The following RGS7 variants were observed in gnomAD, a reference collection of about 807,000 sequenced individuals.
RGS7 encodes the protein regulator of G-protein signaling 7.
In RGS7, 27 loss-of-function variants were observed where a neutral mutation model predicts 81.1. The ratio of observed to expected loss-of-function variants is 0.33; its 90% CI spans 0.25 to 0.46. The LOEUF (loss-of-function observed/expected upper bound fraction) is 0.46. RGS7 is among the 20% of genes least tolerant of loss of function. RGS7 has a pLI of 1.00. For synonymous variants in RGS7, 208 were observed against 207.7 expected (o/e 1.00, Z -0.01); for missense variants, 396 against 607.4 (o/e 0.65, Z 3.66).
intron 2 of RGS7, among the ~76,000 whole-genome samples, chr1:241,177,049 T>C (rs763200500): frequency 5.3e-5 from 8 of 152,170 alleles, no homozygotes; most frequent in Non-Finnish European, 1.2e-4. Flanking sequence ...CTCTGCTTGA[T>C]TGACTTGGAT....
chr1:241,100,150 C>T (rs370975324), intron 2 of RGS7, among the ~76,000 whole-genome samples: 34 of 150,036 alleles, frequency 2.3e-4, no homozygotes, highest in East Asian at 7.8e-4. Context: ...CCGAGGCGGG[C>T]GGATCATGAG....
intron 2 of RGS7, among the ~76,000 whole-genome samples, chr1:241,295,271 A>AC (rs896622987): frequency 6.8e-5 from 10 of 148,122 alleles, no homozygotes; most frequent in Non-Finnish European, 1.3e-4. Context: ...ACATGATGAA[A>AC]CCCCGTCTCT....
chr1:241,073,723 C>T (rs1472177931), intron 3 of RGS7, among the ~76,000 whole-genome samples: 1 of 152,160 alleles, frequency 6.6e-6, no homozygotes, highest in Non-Finnish European at 1.5e-5. Context: ...AACCTGATTA[C>T]AGTCATACAG....
intron 11 of RGS7, among the ~76,000 whole-genome samples, chr1:240,815,897 C>T (rs369961768): frequency 1.3e-4 from 20 of 152,266 alleles, no homozygotes; most frequent in Admixed American, 3.9e-4. Context: ...CTGCAGAAAG[C>T]GAGAGTAAGC....
In RGS7 at chr1:241,041,957, A is replaced by G. The variant is rs2060644721; in HGVS notation, c.175+56709T>C. 2.0e-5 allele frequency among the ~76,000 whole-genome samples: 3 copies of G among 152,260 alleles called. No homozygotes were observed. In the South Asian group the frequency reaches 6.2e-4, roughly 32 times the overall value. On this transcript the variant is annotated intron_variant, in intron 3 of 18. Coordinates refer to ENST00000440928, the MANE Select transcript of RGS7 (RefSeq NM_001364886.1). ...TACTAGAGCATCGTGGGCTGGCTGT[A>G]AATGTCTGTGGGATGACTTAGTAAA...
At chr1:240,990,722 T>C (rs1686333431) in intron 3 of RGS7, among the ~76,000 whole-genome samples, 1 of 152,222 alleles carries the variant, frequency 6.6e-6, no homozygotes, top group South Asian at 2.1e-4. Context: ...TATAAAGCCC[T>C]TCTTCCAATA....
At chr1:241,086,528 C>A (rs1357372025) in intron 3 of RGS7, among the ~76,000 whole-genome samples, 1 of 152,006 alleles carries the variant, frequency 6.6e-6, no homozygotes, top group African/African-American at 2.4e-5. Context: ...TTGGGTCAAG[C>A]CTTCATCATC....
In RGS7 at chr1:240,863,926, T is replaced by C. The variant is rs570333853; in HGVS notation, c.609+4661A>G. 1.1e-4 allele frequency among the ~76,000 whole-genome samples: 17 copies of C among 152,306 alleles called. No individual in the cohort carries two copies. The East Asian group carries it at 2.9e-3, about 26-fold the overall frequency. ...CTATTTATTCTTTCTTTTTGCAGGA[T>C]AGATACATAAAGTCAGGATCTCATT... On this transcript the variant is annotated intron_variant, in intron 9 of 18. Coordinates refer to ENST00000440928, the MANE Select transcript of RGS7 (RefSeq NM_001364886.1).
At chr1:241,135,301 C>T (rs916100837) in intron 2 of RGS7, among the ~76,000 whole-genome samples, 33 of 152,106 alleles carry the variant, frequency 2.2e-4, no homozygotes, top group African/African-American at 7.9e-4. Flanking sequence ...GTGGCGGGCA[C>T]CTGTAGTCCC....
intron 2 of RGS7, among the ~76,000 whole-genome samples, chr1:241,292,461 G>C (rs1328844562): frequency 6.6e-6 from 1 of 152,208 alleles, no homozygotes; most frequent in Non-Finnish European, 1.5e-5. Flanking sequence ...AGGGCGGCTT[G>C]TGTAGTGTAG....
At chr1:241,008,779 G>A (rs1221718933) in intron 3 of RGS7, among the ~76,000 whole-genome samples, 3 of 151,814 alleles carry the variant, frequency 2.0e-5, no homozygotes, top group African/African-American at 4.8e-5. Flanking sequence ...GGGCATGGTC[G>A]CACATGTTTG....
chr1:241,142,076 T>C (rs2067960324), intron 2 of RGS7, among the ~76,000 whole-genome samples: 2 of 152,232 alleles, frequency 1.3e-5, no homozygotes, highest in Non-Finnish European at 2.9e-5. Context: ...CTCCTTTGAC[T>C]CCATGTCTCA....
chr1:240,843,702 T>C (rs1658538888), intron 9 of RGS7, among the ~76,000 whole-genome samples: 1 of 152,240 alleles, frequency 6.6e-6, no homozygotes, highest in South Asian at 2.1e-4. Flanking sequence ...TAGAGTTTTT[T>C]GTATTTGAGA....
chr1:240,904,659 GTTCT>G (rs1280953446), intron 6 of RGS7, among the ~76,000 whole-genome samples: 1 of 152,124 alleles, frequency 6.6e-6, no homozygotes, highest in Non-Finnish European at 1.5e-5. Flanking sequence ...AAATGAAACT[GTTCT>G]TTCAATGGGT....
chr1:240,971,433 G>T (rs1256696150), intron 4 of RGS7, among the ~76,000 whole-genome samples: 1 of 152,148 alleles, frequency 6.6e-6, no homozygotes, highest in Non-Finnish European at 1.5e-5. Flanking sequence ...ACGCTGAAAT[G>T]AATACACAAA....
chr1:241,178,272 A>C lies in RGS7; in HGVS notation c.79-79510T>G, dbSNP rs186624464. Among the ~76,000 whole-genome samples, 669 of 152,330 alleles carry C rather than the reference A, an allele frequency of 4.4e-3. 17 individuals are homozygous for C. Among genetic ancestry groups the C allele is most frequent in the Admixed American group, 0.041 (628 of 15,284 alleles). ...GTGCCACTGCACTCCAGCCTGGGCA[A>C]CAAAGCAAGACCCTGTCTCTAAAAA... is the stretch of plus-strand genomic sequence containing the variant. On this transcript the variant is annotated intron_variant, in intron 2 of 18. Transcript: ENST00000440928.
intron 4 of RGS7, among the ~76,000 whole-genome samples, chr1:240,955,551 CAAAAAAA>C (rs369155474): frequency 1.4e-5 from 2 of 140,272 alleles, no homozygotes; most frequent in Non-Finnish European, 3.1e-5. Context: ...GACTCTGTCT[CAAAAAAA>C]AAAAAAAAAA....
intron 14 of RGS7, among the ~76,000 whole-genome samples, chr1:240,810,569 C>A (rs1689672923): frequency 6.6e-6 from 1 of 151,622 alleles, no homozygotes; most frequent in Admixed American, 6.6e-5. Context: ...TCCTCAGCCT[C>A]CCCAGTAGCT....
At chr1:240,933,802 C>G (rs1170602743) in intron 5 of RGS7, among the ~76,000 whole-genome samples, 1 of 151,756 alleles carries the variant, frequency 6.6e-6, no homozygotes, top group Non-Finnish European at 1.5e-5. Context: ...TTTCAGTTAG[C>G]TAAGAGAGGA....
Sources: gnomAD v4.1 joint callset for allele counts (sites outside exome capture counted in the v4.1 genomes callset) on GRCh38, gnomAD v4.1.1 for gene constraint, MANE v1.5 for transcripts, NCBI Gene and HGNC (gene_info 2026-07-23, HGNC 2026-07-21) for gene names.